The following ERBB4 variants were observed in gnomAD, a reference collection of about 807,000 sequenced individuals.
ERBB4 encodes the protein erb-b2 receptor tyrosine kinase 4, also known as receptor tyrosine-protein kinase erbB-4.
In ERBB4, 42 loss-of-function variants were observed where a neutral mutation model predicts 158.0. The observed-to-expected ratio is 0.27, with a 90% CI of 0.21 to 0.34. The LOEUF (loss-of-function observed/expected upper bound fraction) is 0.34. Ranked by LOEUF, ERBB4 falls within the 10% of genes least tolerant of loss-of-function variation. The probability of loss-of-function intolerance (pLI) is 1.00; values close to 1 mark genes in which losing one functional copy is unlikely to be tolerated. For synonymous variants in ERBB4, 583 were observed against 558.7 expected, an observed-to-expected ratio of 1.04 and a Z score of -0.61; for missense variants, 1,333 against 1,624.1, an observed-to-expected ratio of 0.82 and a Z score of 3.08.
At chr2:211,422,228 G>T in intron 23 of ERBB4, 124 bp from the exon 24 acceptor site, 37 of 616,052 alleles carry the variant, frequency 6.0e-5, no homozygotes, top group Non-Finnish European at 6.9e-5. Context: ...ATCTGAGAAA[G>T]AAAGCAAGCT....
At chr2:212,476,906 A>T (rs1689434138) in intron 1 of ERBB4, among the ~76,000 whole-genome samples, 1 of 152,078 alleles carries the variant, frequency 6.6e-6, no homozygotes, top group Non-Finnish European at 1.5e-5. Context: ...GTCTATATAG[A>T]ATTATGAAGA....
At chr2:212,022,146 A>G (rs1366281475) in intron 2 of ERBB4, among the ~76,000 whole-genome samples, 1 of 150,696 alleles carries the variant, frequency 6.6e-6, no homozygotes, top group Non-Finnish European at 1.5e-5. Context: ...TGGAAATACC[A>G]TTTGACTCAG....
At chr2:211,780,543 A>G (rs2076008629) in intron 4 of ERBB4, among the ~76,000 whole-genome samples, 1 of 150,568 alleles carries the variant, frequency 6.6e-6, no homozygotes, top group Non-Finnish European at 1.5e-5. Context: ...AGTGAGTTTC[A>G]GTTGACCTGG....
intron 1 of ERBB4, among the ~76,000 whole-genome samples, chr2:212,424,653 T>C (rs932532886): frequency 9.9e-5 from 15 of 152,280 alleles, no homozygotes; most frequent in African/African-American, 3.6e-4. Flanking sequence ...ATAACAGCTA[T>C]AGCTCACCTA....
At chr2:212,532,260 T>C (rs1001362011) in intron 1 of ERBB4, among the ~76,000 whole-genome samples, 2 of 152,198 alleles carry the variant, frequency 1.3e-5, no homozygotes, top group Admixed American at 1.3e-4. Flanking sequence ...TGGTTTCTAG[T>C]GCCGGACTTC....
intron 1 of ERBB4, among the ~76,000 whole-genome samples, chr2:212,379,190 G>C (rs1244114738): frequency 1.3e-5 from 2 of 151,670 alleles, no homozygotes; most frequent in African/African-American, 4.8e-5. Context: ...TCTAATTGTA[G>C]CAAAGCATTA....
intron 1 of ERBB4, among the ~76,000 whole-genome samples, chr2:212,524,664 C>A (rs1265718689): frequency 6.6e-6 from 1 of 151,148 alleles, no homozygotes; most frequent in Non-Finnish European, 1.5e-5. Flanking sequence ...GCAGTGGCAT[C>A]CTGTCTGTTG....
At chr2:211,975,051 G>A (rs922444270) in intron 2 of ERBB4, among the ~76,000 whole-genome samples, 1 of 151,636 alleles carries the variant, frequency 6.6e-6, no homozygotes, top group African/African-American at 2.4e-5. Context: ...TGGCACAATC[G>A]CAGCCCACTG....
intron 20 of ERBB4, among the ~76,000 whole-genome samples, chr2:211,550,992 G>C (rs2067079633): frequency 6.6e-6 from 1 of 151,120 alleles, no homozygotes; most frequent in Non-Finnish European, 1.5e-5. Flanking sequence ...CCAGGCTGGA[G>C]TGCAGTGGTG....
At chr2:211,681,811 G>A (rs1026065129) in intron 12 of ERBB4, among the ~76,000 whole-genome samples, 4 of 151,828 alleles carry the variant, frequency 2.6e-5, no homozygotes, top group African/African-American at 9.7e-5. Context: ...TCTTTTGAAA[G>A]TAGAAGTTTT....
At chr2:212,197,676 CT>C (rs1308145890) in intron 1 of ERBB4, among the ~76,000 whole-genome samples, 1 of 152,038 alleles carries the variant, frequency 6.6e-6, no homozygotes, top group Non-Finnish European at 1.5e-5. Context: ...TTTGTATTGC[CT>C]TTTGTGTTTA....
In ERBB4 at chr2:211,819,892, T is replaced by C. The variant is rs76561692; in HGVS notation, c.422-31733A>G. On this transcript the variant is annotated intron_variant, in intron 3 of 27. Transcript: ENST00000342788. ...TGTTTAAGTTGTGATAGTTTTTAGA[T>C]GTGGGTGATAAAGGACATTGTATAA... is the stretch of plus-strand genomic sequence containing the variant. Among the ~76,000 whole-genome samples, 721 of 152,000 alleles carry C rather than the reference T, an allele frequency of 4.7e-3. 5 individuals carry two copies. Among genetic ancestry groups the C allele is most frequent in the African/African-American group, 0.016 (684 of 41,526 alleles).
At chr2:212,104,340 A>G (rs534650866) in intron 2 of ERBB4, among the ~76,000 whole-genome samples, 41 of 152,202 alleles carry the variant, frequency 2.7e-4, no homozygotes, top group African/African-American at 9.1e-4. Flanking sequence ...AATTTGGCAT[A>G]TATGTCCTTG....
intron 2 of ERBB4, among the ~76,000 whole-genome samples, chr2:212,101,219 C>T (rs1220252355): frequency 6.6e-6 from 1 of 151,654 alleles, no homozygotes; most frequent in Admixed American, 6.6e-5. Context: ...AAGAACATTC[C>T]AGTGTGTAGC....
intron 3 of ERBB4, among the ~76,000 whole-genome samples, chr2:211,903,389 A>G (rs1158393492): frequency 6.6e-6 from 1 of 152,054 alleles, no homozygotes; most frequent in Non-Finnish European, 1.5e-5. Flanking sequence ...TTTGGGTGCA[A>G]GGCAGGCATG....
intron 20 of ERBB4, among the ~76,000 whole-genome samples, chr2:211,464,717 C>T (rs187737339): frequency 1.3e-5 from 2 of 152,124 alleles, no homozygotes; most frequent in Admixed American, 1.3e-4. Flanking sequence ...ATATTATACA[C>T]TACTAAATAA....
intron 1 of ERBB4, among the ~76,000 whole-genome samples, chr2:212,487,797 T>C (rs551387533): frequency 5.9e-5 from 9 of 152,286 alleles, no homozygotes; most frequent in Admixed American, 5.9e-4. Context: ...CCTTATTCTC[T>C]ACCCTCACAA....
chr2:212,498,288 C>G (rs1690694692), intron 1 of ERBB4, among the ~76,000 whole-genome samples: 2 of 152,054 alleles, frequency 1.3e-5, no homozygotes, highest in South Asian at 4.1e-4. Context: ...CTTTACTAAA[C>G]AAAGACGGGG....
intron 16 of ERBB4, among the ~76,000 whole-genome samples, chr2:211,640,502 C>T (rs1243810638): frequency 6.6e-6 from 1 of 152,122 alleles, no homozygotes; most frequent in Non-Finnish European, 1.5e-5. Flanking sequence ...TGTCAAATAA[C>T]TCTTCCAATA....
Sources: allele counts gnomAD v4.1 joint callset (sites outside exome capture counted in the v4.1 genomes callset), GRCh38; gene constraint gnomAD v4.1.1; transcripts MANE v1.5; gene names NCBI Gene and HGNC (gene_info 2026-07-23, HGNC 2026-07-21).